ATP8A1: variants seen among roughly 807,000 people sequenced by gnomAD.
The protein encoded by ATP8A1 is phospholipid-transporting ATPase IA.
In ATP8A1, 90 loss-of-function variants were observed where a neutral mutation model predicts 177.7. The observed-to-expected ratio is 0.51, with a 90% confidence interval of 0.43 to 0.60. The LOEUF (loss-of-function observed/expected upper bound fraction) is 0.60, where lower values mean the gene tolerates loss of function less well. ATP8A1 is among the 20% of genes least tolerant of loss of function. The pLI is 0.00. For synonymous variants in ATP8A1, 493 were observed against 485.9 expected, an observed-to-expected ratio of 1.01 and a Z score of -0.19; for missense variants, 1,072 against 1,392.8, an observed-to-expected ratio of 0.77 and a Z score of 3.67.
chr4:42,615,123 C>T (rs995708777), intron 5 of ATP8A1, among the ~76,000 whole-genome samples: 4 of 152,056 alleles, frequency 2.6e-5, no homozygotes, highest in South Asian at 2.1e-4. Context: ...TTGAAATTCC[C>T]GTCTTATACT....
chr4:42,464,148 G>A (rs1233690615), intron 27 of ATP8A1, among the ~76,000 whole-genome samples: 7 of 151,666 alleles, frequency 4.6e-5, no homozygotes, highest in Admixed American at 1.3e-4. Context: ...TATTAATAAT[G>A]TATTTTTTAC....
intron 36 of ATP8A1, among the ~76,000 whole-genome samples, chr4:42,414,141 C>T (rs1712957187): frequency 6.6e-6 from 1 of 152,242 alleles, no homozygotes; most frequent in South Asian, 2.1e-4. Context: ...ACATTTACTA[C>T]AGGGCTTTAC....
chr4:42,466,053 A>G lies in ATP8A1; in HGVS notation c.2325-977T>C, dbSNP rs548449055. Among the ~76,000 whole-genome samples the G allele has an allele frequency of 2.3e-3, 352 of 150,784 alleles. 1 individual carries two copies. Among genetic ancestry groups the G allele is most frequent in the African/African-American group, 8.1e-3 (334 of 41,160 alleles). ...TCTCAAAAAAAAAAAAAAAAAAAAAAAAAAAGGAATAAACACTAGGACAAG... is the reference window on the plus strand; with the variant it reads ...TCTCAAAAAAAAAAAAAAAAAAAAAGAAAAAGGAATAAACACTAGGACAAG... On this transcript the variant is annotated intron_variant, in intron 25 of 36. Coordinates refer to ENST00000381668, the MANE Select transcript of ATP8A1 (RefSeq NM_006095.2).
intron 33 of ATP8A1, among the ~76,000 whole-genome samples, chr4:42,424,763 G>A (rs1395819375): frequency 6.6e-6 from 1 of 152,154 alleles, no homozygotes; most frequent in Non-Finnish European, 1.5e-5. Context: ...TTTCTGCATT[G>A]ACATGAGCTT....
chr4:42,419,317 A>G (rs1560302725), intron 35 of ATP8A1, among the ~76,000 whole-genome samples: 1 of 152,186 alleles, frequency 6.6e-6, no homozygotes, highest in Admixed American at 6.5e-5. Flanking sequence ...CATTGCAGCT[A>G]TGACTAAGAC....
At chr4:42,611,338 A>T (rs773060879) in intron 5 of ATP8A1, among the ~76,000 whole-genome samples, 1 of 152,206 alleles carries the variant, frequency 6.6e-6, no homozygotes, top group African/African-American at 2.4e-5. Context: ...CTAAATAATC[A>T]GAAAACTGCT....
At chr4:42,540,568 G>A (rs1167687442) in intron 20 of ATP8A1, among the ~76,000 whole-genome samples, 1 of 149,400 alleles carries the variant, frequency 6.7e-6, no homozygotes, top group Non-Finnish European at 1.5e-5. Flanking sequence ...AAAAAAAACA[G>A]GTGTATATAC....
At chr4:42,491,192 A>G (rs1024633541) in intron 24 of ATP8A1, among the ~76,000 whole-genome samples, 1 of 152,154 alleles carries the variant, frequency 6.6e-6, no homozygotes, top group African/African-American at 2.4e-5. Context: ...AATGTAATAC[A>G]ATGTATATTT....
chr4:42,656,770 C>T, intron 1 of ATP8A1, 55 bp downstream of exon 1: 1 of 1,500,820 alleles, frequency 6.7e-7, no homozygotes, highest in Non-Finnish European at 9.0e-7. Context: ...CACACGCTCA[C>T]ACACACACTC....
intron 30 of ATP8A1, among the ~76,000 whole-genome samples, chr4:42,450,504 G>A (rs1216070348): frequency 1.3e-5 from 2 of 152,190 alleles, no homozygotes; most frequent in Non-Finnish European, 2.9e-5. Flanking sequence ...AGCCAAACAA[G>A]CAAGCAACAA....
chr4:42,628,207 ACCC>A (rs1738321569), intron 1 of ATP8A1, among the ~76,000 whole-genome samples: 1 of 152,194 alleles, frequency 6.6e-6, no homozygotes, highest in Admixed American at 6.5e-5. Flanking sequence ...AAGCTGCTCC[ACCC>A]ACTGATGAAA....
At chr4:42,581,580 A>G in intron 10 of ATP8A1, 41 bp downstream of exon 10, 5 of 1,430,118 alleles carry the variant, frequency 3.5e-6, no homozygotes, top group Non-Finnish European at 4.9e-6. Context: ...TACACTCACA[A>G]AAGCCTTAGG....
chr4:42,500,833 G>A (rs144128408), intron 24 of ATP8A1, among the ~76,000 whole-genome samples: 7 of 152,126 alleles, frequency 4.6e-5, no homozygotes, highest in Admixed American at 1.3e-4. Context: ...TTATTTAAAT[G>A]TTTTTATTAA....
At chr4:42,513,758 T>C (rs1455939000) in intron 22 of ATP8A1, among the ~76,000 whole-genome samples, 2 of 152,184 alleles carry the variant, frequency 1.3e-5, no homozygotes, top group African/African-American at 4.8e-5. Context: ...TGGCGAATTT[T>C]AGAAGAGGAG....
chr4:42,502,768 C>T (rs74518449), intron 24 of ATP8A1, among the ~76,000 whole-genome samples: 2,480 of 152,270 alleles, frequency 0.016, 67 homozygotes, highest in African/African-American at 0.055. Context: ...CTGTTCTTTG[C>T]GTCATAATGA....
intron 29 of ATP8A1, 36 bp downstream of exon 29, chr4:42,455,261 C>T (rs1262365535): frequency 6.2e-7 from 1 of 1,610,412 alleles, no homozygotes; most frequent in African/African-American, 1.3e-5. Flanking sequence ...AACACAGACC[C>T]ACCAAACATG....
At chr4:42,498,420 G>C (rs1460091081) in intron 24 of ATP8A1, among the ~76,000 whole-genome samples, 1 of 152,150 alleles carries the variant, frequency 6.6e-6, no homozygotes. Flanking sequence ...AAAAAAGTTA[G>C]CAATTCCATG....
Position 42,464,908 on chromosome 4 carries a change from G to A in ATP8A1, c.2493C>T (p.Asp831=), listed in dbSNP as rs781391987. ...GACGCTTTACCTGAGCTATGGAGTA[G>A]TCAGAGGAATTAGCTGCCTGCAGGC... ...NEGLQAANSS[D]YSIAQFKYLK... Residue 831 remains aspartate, a synonymous_variant, in exon 26 of 37, where the codon GAC becomes GAT. Transcript: ENST00000381668. 4 of 1,614,190 alleles carry A rather than the reference G, an allele frequency of 2.5e-6. No individual in the cohort carries two copies. Among genetic ancestry groups the A allele is most frequent in the African/African-American group, 1.3e-5 (1 of 75,062 alleles).
chr4:42,484,805 A>T (rs975809220), intron 25 of ATP8A1, among the ~76,000 whole-genome samples: 3 of 152,204 alleles, frequency 2.0e-5, no homozygotes, highest in Non-Finnish European at 4.4e-5. Flanking sequence ...TGAATGACAA[A>T]GGGGAAATCC....
Sources: gnomAD v4.1 joint callset for allele counts (sites outside exome capture counted in the v4.1 genomes callset) on GRCh38, gnomAD v4.1.1 for gene constraint, MANE v1.5 for transcripts, NCBI Gene and HGNC (gene_info 2026-07-23, HGNC 2026-07-21) for gene names.